DENND5B: variants seen among roughly 807,000 people sequenced by gnomAD.
DENND5B encodes DENN domain containing 5B.
A neutral mutation model predicts 140.6 loss-of-function variants in DENND5B; 34 were observed. The observed-to-expected ratio is 0.24, with a 90% CI of 0.18 to 0.32. The LOEUF (loss-of-function observed/expected upper bound fraction) is 0.32, where lower values mean the gene tolerates loss of function less well. Ranked by LOEUF, DENND5B falls within the 10% of genes least tolerant of loss-of-function variation. The probability of loss-of-function intolerance (pLI) is 1.00; values close to 1 mark genes in which losing one functional copy is unlikely to be tolerated. For synonymous variants in DENND5B, 551 were observed against 562.1 expected, an observed-to-expected ratio of 0.98 and a Z score of 0.28; for missense variants, 1,142 against 1,560.2, an observed-to-expected ratio of 0.73 and a Z score of 4.52.
At chr12:31,574,777 G>A (rs540495931) in intron 1 of DENND5B, among the ~76,000 whole-genome samples, 1 of 152,286 alleles carries the variant, frequency 6.6e-6, no homozygotes, top group East Asian at 1.9e-4. Context: ...AACGGGTCCT[G>A]TCAGTCCTTC....
chr12:31,555,932 C>A (rs1272918708), intron 1 of DENND5B, among the ~76,000 whole-genome samples: 1 of 152,212 alleles, frequency 6.6e-6, no homozygotes. Context: ...TGGGAGTGAG[C>A]CGATTTTCCA....
chr12:31,468,765 T>G (rs1203903137), intron 3 of DENND5B, among the ~76,000 whole-genome samples: 1 of 152,068 alleles, frequency 6.6e-6, no homozygotes, highest in Non-Finnish European at 1.5e-5. Context: ...TGAGCCTAGA[T>G]CGTGCTACTG....
chr12:31,453,110 C>T (rs1944615903), intron 4 of DENND5B, among the ~76,000 whole-genome samples: 1 of 152,172 alleles, frequency 6.6e-6, no homozygotes, highest in Admixed American at 6.6e-5. Flanking sequence ...CACAGATAAT[C>T]CACAAATTTT....
chr12:31,446,505 C>T (rs1195440487), intron 6 of DENND5B, among the ~76,000 whole-genome samples: 2 of 152,134 alleles, frequency 1.3e-5, no homozygotes, highest in African/African-American at 2.4e-5. Flanking sequence ...ACTACTAAAG[C>T]AAAGATACTG....
At chr12:31,436,511 C>T (rs1943763163) in intron 7 of DENND5B, among the ~76,000 whole-genome samples, 1 of 152,002 alleles carries the variant, frequency 6.6e-6, no homozygotes, top group Non-Finnish European at 1.5e-5. Flanking sequence ...CTGCTGATCG[C>T]TCTTTCTACT....
chr12:31,387,911 A>AGG, intron 20 of DENND5B, 125 bp from the exon 21 acceptor site: 1 of 930,872 alleles, frequency 1.1e-6, no homozygotes. Flanking sequence ...CCAAGCTAAG[A>AGG]GGTCAGGAGA....
chr12:31,393,762 A>G (rs1299821969), intron 17 of DENND5B, among the ~76,000 whole-genome samples: 3 of 152,116 alleles, frequency 2.0e-5, no homozygotes, highest in African/African-American at 7.2e-5. Flanking sequence ...ATGTCGGCTC[A>G]CTGCACCCTC....
Position 31,495,794 on chromosome 12 carries a change from G to GA in DENND5B, c.237+15dup, listed in dbSNP as rs143241018. On this transcript the variant is annotated intron_variant, in intron 2 of 20. Transcript: ENST00000389082. Reference sequence around the variant, plus strand: ...AACAAGGCTAAAGAGTAAATGAGGGGAAAAAAAACACATACCATGTTCACC... The same window carrying GA: ...AACAAGGCTAAAGAGTAAATGAGGGGAAAAAAAAACACATACCATGTTCACC... 8.9e-6 allele frequency: 14 copies of GA among 1,573,748 alleles called. No individual in the cohort carries two copies. The highest frequency in any genetic ancestry group is 2.3e-5 in the South Asian group (2 of 85,374).
intron 7 of DENND5B, among the ~76,000 whole-genome samples, chr12:31,435,681 G>A (rs917765963): frequency 6.6e-6 from 1 of 152,038 alleles, no homozygotes; most frequent in African/African-American, 2.4e-5. Context: ...GTTTGTTTGA[G>A]ACGGAGTCTT....
intron 14 of DENND5B, among the ~76,000 whole-genome samples, chr12:31,405,513 T>TGTAC (rs1203125194): frequency 8.7e-6 from 1 of 115,444 alleles, no homozygotes; most frequent in Non-Finnish European, 1.8e-5. Flanking sequence ...CCACCTGCCA[T>TGTAC]GTATGTATGT....
intron 1 of DENND5B, among the ~76,000 whole-genome samples, chr12:31,550,249 G>A (rs971279571): frequency 8.3e-6 from 1 of 120,014 alleles, no homozygotes; most frequent in African/African-American, 3.3e-5. Flanking sequence ...AGTGTGTGAT[G>A]TTCCCCTTCC....
intron 1 of DENND5B, among the ~76,000 whole-genome samples, chr12:31,518,887 AG>A (rs1489297341): frequency 1.3e-5 from 2 of 152,198 alleles, no homozygotes; most frequent in Non-Finnish European, 2.9e-5. Context: ...TTATCCTGGC[AG>A]GGAGCCCTGC....
chr12:31,391,503 C>T (rs936545972), intron 19 of DENND5B, among the ~76,000 whole-genome samples: 3 of 152,124 alleles, frequency 2.0e-5, no homozygotes, highest in Non-Finnish European at 2.9e-5. Context: ...TTTCCCACAC[C>T]GACCTGAGTA....
intron 3 of DENND5B, among the ~76,000 whole-genome samples, chr12:31,468,787 G>A (rs1945397561): frequency 6.6e-6 from 1 of 151,282 alleles, no homozygotes; most frequent in Admixed American, 6.6e-5. Context: ...ACTCCAGGAT[G>A]AGCGACAGGG....
intron 3 of DENND5B, among the ~76,000 whole-genome samples, chr12:31,463,969 A>G (rs1945141143): frequency 6.6e-6 from 1 of 152,120 alleles, no homozygotes; most frequent in South Asian, 2.1e-4. Context: ...TGCCCAGCCC[A>G]CACGCTTTTT....
chr12:31,476,568 G>C (rs1178982929), intron 3 of DENND5B, among the ~76,000 whole-genome samples: 1 of 151,772 alleles, frequency 6.6e-6, no homozygotes, highest in Non-Finnish European at 1.5e-5. Flanking sequence ...CATGGGTATA[G>C]TTAATAAATG....
chr12:31,590,174 G>C (rs1950562555), intron 1 of DENND5B: 1 of 152,268 alleles, frequency 6.6e-6, no homozygotes, highest in South Asian at 2.1e-4. Context: ...GAGTCCGACC[G>C]GTCCCCGCCC....
intron 1 of DENND5B, among the ~76,000 whole-genome samples, chr12:31,544,145 C>A (rs1486553819): frequency 1.3e-5 from 2 of 152,282 alleles, no homozygotes; most frequent in East Asian, 3.9e-4. Flanking sequence ...GCCTGGGCAA[C>A]AGAGTGAGAC....
chr12:31,432,149 G>C (rs898887780), intron 8 of DENND5B: 1 of 984,630 alleles, frequency 1.0e-6, no homozygotes, highest in Non-Finnish European at 1.2e-6. Context: ...AAGTTCCCCG[G>C]AAGGCTAAGA....
Sources: gnomAD v4.1 joint callset for allele counts (sites outside exome capture counted in the v4.1 genomes callset) on GRCh38, gnomAD v4.1.1 for gene constraint, MANE v1.5 for transcripts, NCBI Gene and HGNC (gene_info 2026-07-23, HGNC 2026-07-21) for gene names.